PCNX2: variants seen among roughly 807,000 people sequenced by gnomAD.
PCNX2 encodes pecanex-like protein 2.
PCNX2 carries 168 observed loss-of-function variants against 223.8 expected under a neutral mutation model. That is an observed-to-expected ratio of 0.75 (90% CI 0.66 to 0.85). PCNX2 has a LOEUF of 0.85. Among genes scored for constraint, PCNX2 ranks in the 40% least tolerant of loss-of-function variants. The pLI, the probability that PCNX2 is intolerant of heterozygous loss-of-function variation, is 0.00. For synonymous variants in PCNX2, 1,006 were observed against 1,052.6 expected, an observed-to-expected ratio of 0.96 and a Z score of 0.86; for missense variants, 2,507 against 2,675.5, an observed-to-expected ratio of 0.94 and a Z score of 1.39.
chr1:233,170,495 G>C (rs1211166156), intron 17 of PCNX2, among the ~76,000 whole-genome samples: 1 of 151,822 alleles, frequency 6.6e-6, no homozygotes, highest in Non-Finnish European at 1.5e-5. Context: ...GGAGATATCT[G>C]GTTTTCTTAT....
At position 233,250,783 on chromosome 1, in the gene PCNX2, A is replaced by G; in HGVS notation, c.2178T>C (p.Pro726=). ...CATTATTTGATGGTAGAGGCTGTAA[A>G]GGGCCTTCTTTCTGATTTCCAGATT... The part of the protein sequence containing the change: ...YLKSGNQKEG[P]LQPLPSNNDC... The change falls in exon 8 of 34, where the codon CCT becomes CCC. Residue 726 remains proline (P), a synonymous_variant. Coordinates refer to ENST00000258229, the MANE Select transcript of PCNX2 (RefSeq NM_014801.4). 6.2e-7 allele frequency: 1 copy of G among 1,607,046 alleles called. No individual in the cohort carries two copies. The highest frequency in any genetic ancestry group is 8.5e-7 in the Non-Finnish European group (1 of 1,176,652).
chr1:233,020,475 C>T (rs1015795926), intron 26 of PCNX2, among the ~76,000 whole-genome samples: 1 of 152,244 alleles, frequency 6.6e-6, no homozygotes, highest in African/African-American at 2.4e-5. Context: ...AGCAGGACCC[C>T]TCCTGAATAA....
chr1:233,200,747 C>T (rs1389822784), intron 13 of PCNX2, among the ~76,000 whole-genome samples: 1 of 151,880 alleles, frequency 6.6e-6, no homozygotes, highest in Non-Finnish European at 1.5e-5. Flanking sequence ...ACAGGACAGG[C>T]ACGGTGGCTC....
chr1:233,265,073 G>A (rs1346450716), intron 1 of PCNX2, among the ~76,000 whole-genome samples: 7 of 144,932 alleles, frequency 4.8e-5, no homozygotes, highest in South Asian at 2.4e-4. Context: ...CCCCCCCTCC[G>A]ATCTCTACAA....
At chr1:233,011,180 T>C (rs1171659880) in intron 28 of PCNX2, among the ~76,000 whole-genome samples, 2 of 152,212 alleles carry the variant, frequency 1.3e-5, no homozygotes, top group African/African-American at 2.4e-5. Flanking sequence ...GAATCCATCA[T>C]TGTATAAAAA....
At chr1:233,241,258 C>A in intron 8 of PCNX2, 1 of 985,402 alleles carries the variant, frequency 1.0e-6, no homozygotes, top group African/African-American at 1.7e-5. Context: ...GAGCATGGGA[C>A]CTGACTGCCA....
At chr1:233,266,570 A>T (rs36125587) in intron 1 of PCNX2, among the ~76,000 whole-genome samples, 59,413 of 151,974 alleles carry the variant, frequency 0.39, 12,497 homozygotes, top group African/African-American at 0.56. Context: ...TTTTCTCTCC[A>T]TAGAGGTGTG....
chr1:233,299,776 C>T (rs1011465318), upstream of PCNX2, among the ~76,000 whole-genome samples: 4 of 152,292 alleles, frequency 2.6e-5, no homozygotes, highest in East Asian at 1.9e-4. Flanking sequence ...TGGCTAAACC[C>T]GCCTGGAAGT....
At chr1:233,054,613 G>A (rs1672121396) in intron 24 of PCNX2, 130 bp from the exon 25 acceptor site, 3 of 735,822 alleles carry the variant, frequency 4.1e-6, no homozygotes, top group South Asian at 1.9e-5. Context: ...GAGGAAAGAT[G>A]TGTTCTTCCC....
intron 1 of PCNX2, among the ~76,000 whole-genome samples, chr1:233,286,057 C>CA (rs1295007015): frequency 6.6e-6 from 1 of 151,700 alleles, no homozygotes; most frequent in Non-Finnish European, 1.5e-5. Flanking sequence ...ATTTCTGGGA[C>CA]AAAAAAACAT....
At chr1:233,230,359 GT>G (rs1657991383) in intron 9 of PCNX2, among the ~76,000 whole-genome samples, 1 of 152,038 alleles carries the variant, frequency 6.6e-6, no homozygotes, top group African/African-American at 2.4e-5. Flanking sequence ...CTGAGAAGGA[GT>G]TTCATATTCA....
At chr1:233,277,737 G>A (rs1660988275) in intron 1 of PCNX2, among the ~76,000 whole-genome samples, 1 of 152,134 alleles carries the variant, frequency 6.6e-6, no homozygotes, top group South Asian at 2.1e-4. Flanking sequence ...AGACATGGAG[G>A]GGAGTGTGGA....
At chr1:233,046,798 G>T (rs1671838656) in intron 25 of PCNX2, among the ~76,000 whole-genome samples, 1 of 152,136 alleles carries the variant, frequency 6.6e-6, no homozygotes, top group Non-Finnish European at 1.5e-5. Flanking sequence ...CAAGGAGTCT[G>T]GTATGTTGTT....
chr1:233,021,342 G>A (rs185817723), intron 26 of PCNX2, among the ~76,000 whole-genome samples: 20 of 152,304 alleles, frequency 1.3e-4, no homozygotes, highest in Non-Finnish European at 2.2e-4. Flanking sequence ...GCACAATTAC[G>A]TCTGTAGTAG....
intron 23 of PCNX2, among the ~76,000 whole-genome samples, chr1:233,058,750 C>T (rs1672292105): frequency 6.6e-6 from 1 of 150,836 alleles, no homozygotes; most frequent in African/African-American, 2.4e-5. Context: ...ATGGCAACCT[C>T]CGCCTCCTGG....
intron 19 of PCNX2, among the ~76,000 whole-genome samples, chr1:233,142,451 G>A (rs1263642377): frequency 2.0e-5 from 3 of 152,052 alleles, no homozygotes; most frequent in Non-Finnish European, 4.4e-5. Flanking sequence ...CCTGCATCCT[G>A]TGCTCCTGCC....
At chr1:233,257,407 T>C (rs974213037) in intron 5 of PCNX2, among the ~76,000 whole-genome samples, 4 of 152,200 alleles carry the variant, frequency 2.6e-5, no homozygotes, top group Non-Finnish European at 5.9e-5. Context: ...CTGGGGACTC[T>C]TTTGAGAGAC....
intron 27 of PCNX2, 66 bp from the exon 28 acceptor site, chr1:233,014,843 A>C (rs1670594403): frequency 1.5e-6 from 2 of 1,298,502 alleles, no homozygotes; most frequent in African/African-American, 2.9e-5. Flanking sequence ...CACAGGCATA[A>C]ATGTAGAGTG....
At chr1:233,213,763 T>A (rs1043600985) in intron 12 of PCNX2, among the ~76,000 whole-genome samples, 1 of 151,314 alleles carries the variant, frequency 6.6e-6, no homozygotes, top group Non-Finnish European at 1.5e-5. Context: ...TTAGTATACT[T>A]AGTATACGCT....
Sources: gnomAD v4.1 joint callset for allele counts (sites outside exome capture counted in the v4.1 genomes callset) on GRCh38, gnomAD v4.1.1 for gene constraint, MANE v1.5 for transcripts, NCBI Gene and HGNC (gene_info 2026-07-23, HGNC 2026-07-21) for gene names.